The following RBFOX1 variants were observed in gnomAD, a reference collection of about 807,000 sequenced individuals.
RBFOX1 encodes RNA binding protein fox-1 homolog 1.
In RBFOX1, 8 loss-of-function variants were observed where a neutral mutation model predicts 57.7. The observed-to-expected ratio is 0.14, with a 90% CI of 0.08 to 0.25. The LOEUF is 0.25. Ranked by LOEUF, RBFOX1 falls within the 10% of genes least tolerant of loss-of-function variation. The pLI is 1.00. For missense variants in RBFOX1, 611 were observed against 548.5 expected, an observed-to-expected ratio of 1.11 and a Z score of -1.14; for synonymous variants, 326 against 222.4, an observed-to-expected ratio of 1.47 and a Z score of -4.15.
chr16:6,210,361 CAAAA>C (rs3064933), intron 1 of RBFOX1, among the ~76,000 whole-genome samples: 4 of 61,466 alleles, frequency 6.5e-5, no homozygotes, highest in African/African-American at 1.8e-4. Flanking sequence ...AAAAAAACAC[CAAAA>C]AAAAAAAAAA....
intron 4 of RBFOX1, among the ~76,000 whole-genome samples, chr16:7,224,453 T>C (rs1250112406): frequency 6.6e-6 from 1 of 152,156 alleles, no homozygotes; most frequent in East Asian, 1.9e-4. Context: ...ACCAGCCCAG[T>C]GCTTCTCAGT....
At chr16:6,824,202 C>T (rs780678836) in intron 3 of RBFOX1, among the ~76,000 whole-genome samples, 11 of 152,126 alleles carry the variant, frequency 7.2e-5, no homozygotes, top group Non-Finnish European at 1.2e-4. Context: ...GTCAGGAGTT[C>T]GAGACCAGTC....
intron 3 of RBFOX1, among the ~76,000 whole-genome samples, chr16:5,617,569 G>A (rs1441657441): frequency 6.6e-6 from 1 of 152,212 alleles, no homozygotes; most frequent in Non-Finnish European, 1.5e-5. Flanking sequence ...TGTGGAAAAA[G>A]ACAGGTGCAT....
At chr16:7,298,577 C>A (rs2095955798) in intron 4 of RBFOX1, among the ~76,000 whole-genome samples, 1 of 152,270 alleles carries the variant, frequency 6.6e-6, no homozygotes, top group South Asian at 2.1e-4. Context: ...CAGGCATGAG[C>A]CAACATGCCC....
chr16:5,916,365 G>A (rs1325217677), intron 4 of RBFOX1, among the ~76,000 whole-genome samples: 1 of 151,872 alleles, frequency 6.6e-6, no homozygotes, highest in East Asian at 1.9e-4. Flanking sequence ...TTAATTCTCG[G>A]TTTCACCTTC....
rs984030278 is a variant in RBFOX1 at position 6,306,011 on chromosome 16, C to G, written c.-126-10984C>G. ...TGGCAGAGAAACATGTGGTTTCTTT[C>G]TAGAATTATTCACTCCTTCACTGAG... is the stretch of plus-strand genomic sequence containing the variant. On this transcript the variant is annotated intron_variant, in intron 1 of 15. Coordinates refer to ENST00000550418, the MANE Select transcript of RBFOX1 (RefSeq NM_018723.4). 5.3e-5 allele frequency among the ~76,000 whole-genome samples: 8 copies of G among 152,172 alleles called. No homozygotes were observed. The East Asian group carries it at 1.4e-3, about 26-fold the overall frequency.
chr16:7,667,427 C>T (rs879935432), intron 13 of RBFOX1, among the ~76,000 whole-genome samples: 9 of 152,160 alleles, frequency 5.9e-5, no homozygotes, highest in African/African-American at 2.2e-4. Flanking sequence ...CTTTTTAAAG[C>T]CACTACCCTA....
At chr16:5,361,638 G>A (rs760436455) in intron 1 of RBFOX1, among the ~76,000 whole-genome samples, 11 of 152,326 alleles carry the variant, frequency 7.2e-5, no homozygotes, top group African/African-American at 2.6e-4. Flanking sequence ...AACGTTGCAA[G>A]CCCATAAAGC....
chr16:7,104,140 AT>A (rs1430328027), intron 4 of RBFOX1, among the ~76,000 whole-genome samples: 2 of 152,172 alleles, frequency 1.3e-5, no homozygotes, highest in Non-Finnish European at 2.9e-5. Context: ...CTGTATGGAA[AT>A]TAAGGCCAAG....
intron 2 of RBFOX1, among the ~76,000 whole-genome samples, chr16:6,513,412 A>G (rs552349584): frequency 6.6e-6 from 1 of 152,268 alleles, no homozygotes; most frequent in Non-Finnish European, 1.5e-5. Flanking sequence ...GAGAGAGCAC[A>G]TTGGACTCAT....
At chr16:5,953,188 C>CT (rs2059555378) in intron 4 of RBFOX1, among the ~76,000 whole-genome samples, 1 of 152,118 alleles carries the variant, frequency 6.6e-6, no homozygotes, top group Non-Finnish European at 1.5e-5. Flanking sequence ...ACCAAGTGCC[C>CT]TGGGGCCATG....
chr16:6,142,366 C>T (rs529584121), intron 1 of RBFOX1, among the ~76,000 whole-genome samples: 12 of 151,592 alleles, frequency 7.9e-5, no homozygotes, highest in South Asian at 4.2e-4. Context: ...GGACTACAGG[C>T]GCCCGCCTCC....
At chr16:6,053,634 C>T (rs989335215) in intron 1 of RBFOX1, among the ~76,000 whole-genome samples, 1 of 152,068 alleles carries the variant, frequency 6.6e-6, no homozygotes, top group Non-Finnish European at 1.5e-5. Flanking sequence ...ACCACTATTC[C>T]AGATAAAGTT....
chr16:6,880,365 C>G lies in RBFOX1; in HGVS notation c.-15-171692C>G, dbSNP rs543525547. Among the ~76,000 whole-genome samples the G allele has an allele frequency of 7.9e-5, 12 of 152,270 alleles. No homozygotes were observed. In the South Asian group the frequency reaches 1.2e-3, roughly 16 times the overall value. ...CACTGCCTTGGTTTTTAGTATTATA[C>G]TTTCCACTTCAGTCACTGCAACCCA... On this transcript the variant is annotated intron_variant, in intron 3 of 15. Transcript: ENST00000550418.
intron 1 of RBFOX1, among the ~76,000 whole-genome samples, chr16:5,327,216 G>A (rs8049260): frequency 0.96 from 139,906 of 145,028 alleles, 67,393 homozygotes; most frequent in South Asian, 0.97. Context: ...TCAAAATGCC[G>A]TGGAGACCTG....
At chr16:5,630,812 G>A (rs946474688) in intron 3 of RBFOX1, among the ~76,000 whole-genome samples, 5 of 152,228 alleles carry the variant, frequency 3.3e-5, no homozygotes, top group African/African-American at 1.2e-4. Flanking sequence ...GGGAGATAGA[G>A]TGTGTGGATG....
At chr16:5,632,318 T>A (rs181664592) in intron 3 of RBFOX1, 136 of 152,382 alleles carry the variant, frequency 8.9e-4, no homozygotes, top group African/African-American at 3.0e-3. Flanking sequence ...TCAATCTCTG[T>A]GTCCCTTGGG....
At chr16:7,432,018 T>C (rs1389447703) in intron 4 of RBFOX1, among the ~76,000 whole-genome samples, 2 of 152,230 alleles carry the variant, frequency 1.3e-5, no homozygotes, top group African/African-American at 4.8e-5. Context: ...GGTCCGCTCC[T>C]TCCACTTGCT....
intron 1 of RBFOX1, among the ~76,000 whole-genome samples, chr16:5,283,335 C>T (rs1260810939): frequency 6.6e-6 from 1 of 152,176 alleles, no homozygotes; most frequent in Non-Finnish European, 1.5e-5. Flanking sequence ...TGTGGCACCA[C>T]CTAGTGGAGC....
Sources: gnomAD v4.1 joint callset for allele counts (sites outside exome capture counted in the v4.1 genomes callset) on GRCh38, gnomAD v4.1.1 for gene constraint, MANE v1.5 for transcripts, NCBI Gene and HGNC (gene_info 2026-07-23, HGNC 2026-07-21) for gene names.